The following USP6NL variants were observed in gnomAD, a reference collection of about 807,000 sequenced individuals.
USP6NL encodes USP6 N-terminal-like protein.
A neutral mutation model predicts 61.9 loss-of-function variants in USP6NL; 26 were observed. The observed-to-expected ratio is 0.42, with a 90% CI of 0.31 to 0.58. USP6NL has a LOEUF of 0.58. Among genes scored for constraint, USP6NL ranks in the 20% least tolerant of loss-of-function variants. The probability of loss-of-function intolerance (pLI) is 0.16; values close to 1 mark genes in which losing one functional copy is unlikely to be tolerated. For synonymous variants in USP6NL, 432 were observed against 390.1 expected (o/e 1.11, Z -1.27); for missense variants, 1,114 against 1,034.3 (o/e 1.08, Z -1.06).
intron 7 of USP6NL, among the ~76,000 whole-genome samples, chr10:11,498,510 C>T (rs1334536213): frequency 6.6e-6 from 1 of 151,960 alleles, no homozygotes; most frequent in Admixed American, 6.6e-5. Flanking sequence ...CCTAGCCTCG[C>T]TAAGCTCAGT....
chr10:11,598,007 T>C lies in USP6NL; in HGVS notation c.-83-290A>G, dbSNP rs1838385459. 6.6e-6 allele frequency among the ~76,000 whole-genome samples: 1 copy of C among 152,200 alleles called. No homozygotes were observed. The highest frequency in any genetic ancestry group is 6.5e-5 in the Admixed American group (1 of 15,280). On this transcript the variant is annotated intron_variant, in intron 1 of 14. Transcript: ENST00000609104. The surrounding 1 kb of genome is among the most constrained non-coding windows in gnomAD (Gnocchi z 4.7). ...TCCTTCGTCTTCAACACTAAAAACA[T>C]TTCTTCCCCATTCCCAGCTAAGAAA...
chr10:11,544,697 C>A (rs148657804), intron 2 of USP6NL, among the ~76,000 whole-genome samples: 8 of 152,194 alleles, frequency 5.3e-5, no homozygotes, highest in Admixed American at 5.2e-4. Context: ...CCCCGTTGGG[C>A]AGGCTGGTCT....
intron 2 of USP6NL, among the ~76,000 whole-genome samples, chr10:11,549,063 C>G (rs923435386): frequency 1.3e-5 from 2 of 152,090 alleles, no homozygotes; most frequent in African/African-American, 4.8e-5. Context: ...TCTTCTGGTA[C>G]CTTTTCCATA....
chr10:11,463,571 G>C lies in USP6NL; in HGVS notation c.1357C>G (p.Leu453Val), dbSNP rs1477874141. Residue 453 changes from leucine (L) to valine (V), a missense_variant, in exon 15 of 15, where the codon CTC becomes GTC. Transcript: ENST00000609104. The surrounding 1 kb of genome is among the most constrained non-coding windows in gnomAD (Gnocchi z 6.3). ...LKDEADFQRK[L>V]PSGPQDSSRQ... is the part of the protein sequence containing the mutation. ...GAACTGTCCTGTGGACCCGATGGGA[G>C]TTTTCTTTGAAAATCTGCCTCATCT... The C allele has an allele frequency of 1.2e-6, 2 of 1,613,926 alleles. No individual in the cohort carries two copies. The highest frequency in any genetic ancestry group is 1.7e-5 in the Admixed American group (1 of 60,014).
chr10:11,584,269 G>A (rs966068976), intron 2 of USP6NL, among the ~76,000 whole-genome samples: 36 of 152,148 alleles, frequency 2.4e-4, no homozygotes, highest in South Asian at 6.2e-4. Flanking sequence ...TTAATTCAAC[G>A]TAACATCACA....
rs530760084 is a variant in USP6NL at position 11,589,912 on chromosome 10, G to A, written c.4+7719C>T. Among the ~76,000 whole-genome samples the A allele has an allele frequency of 6.6e-6, 1 of 152,264 alleles. No individual in the cohort carries two copies. The highest frequency in any genetic ancestry group is 2.1e-4 in the South Asian group (1 of 4,824). On this transcript the variant is annotated intron_variant, in intron 2 of 14. Transcript: ENST00000609104. The surrounding 1 kb of genome is among the most constrained non-coding windows in gnomAD (Gnocchi z 4.7). ...ACCAAGGCAATGCCAGGGGAAGTCA[G>A]TTTCTAAATTCAGAGGGAAAAGACA...
chr10:11,496,773 TATAAGGCTATCTGGGCATGTCTAGA>T lies in USP6NL; in HGVS notation c.385-3570_385-3546del, dbSNP rs1376047678. On this transcript the variant is annotated intron_variant, in intron 7 of 14. Coordinates refer to ENST00000609104, the MANE Select transcript of USP6NL (RefSeq NM_014688.5). This position sits in a 1 kb window ranked among gnomAD's most constrained non-coding sequence, Gnocchi z 5.4. ...AAGAAGGTTATCTGGGGATGTCTATTATAAGGCTATCTGGGCATGTCTAGAATAAGGCTATTTGGGCATGTCTAGA... is the reference window on the plus strand; with the variant it reads ...AAGAAGGTTATCTGGGGATGTCTATTATAAGGCTATTTGGGCATGTCTAGA... Among the ~76,000 whole-genome samples, 1 of 152,134 alleles carries T rather than the reference TATAAGGCTATCTGGGCATGTCTAGA, an allele frequency of 6.6e-6. No individual in the cohort carries two copies.
rs762356741 is a variant in USP6NL at position 11,463,391 on chromosome 10, G to C, written c.1537C>G (p.Pro513Ala). 3 of 1,614,028 alleles carry C rather than the reference G, an allele frequency of 1.9e-6. No individual in the cohort carries two copies. The highest frequency in any genetic ancestry group is 1.1e-5 in the South Asian group (1 of 91,088). ...CCTGGGACGGTAACTGCGAGCGCGG[G>C]GTGCGCTGCTCGACCTTTGCCTTCC... ...TMEGKGRAAH[P>A]ALAVTVPGPA... Residue 513 changes from proline to alanine, a missense_variant, in exon 15 of 15, where the codon CCC becomes GCC. Transcript: ENST00000609104. The surrounding 1 kb of genome is among the most constrained non-coding windows in gnomAD (Gnocchi z 6.3).
chr10:11,539,326 T>C (rs985469016), intron 2 of USP6NL, among the ~76,000 whole-genome samples: 1 of 152,174 alleles, frequency 6.6e-6, no homozygotes, highest in African/African-American at 2.4e-5. Context: ...TGATGCCATG[T>C]CCTCCAATCA....
At position 11,591,039 on chromosome 10, in the gene USP6NL, T is replaced by A. The variant is rs1484733892; in HGVS notation, c.4+6592A>T. On this transcript the variant is annotated intron_variant, in intron 2 of 14. Coordinates refer to ENST00000609104, the MANE Select transcript of USP6NL (RefSeq NM_014688.5). This position sits in a 1 kb window ranked among gnomAD's most constrained non-coding sequence, Gnocchi z 4.7. ...AGAGTTAGAAGGCGTCCAGATGATCTATCTAGTGCCTACATTTACGAATGA... is the reference window on the plus strand; with the variant it reads ...AGAGTTAGAAGGCGTCCAGATGATCAATCTAGTGCCTACATTTACGAATGA... Among the ~76,000 whole-genome samples, 4 of 152,182 alleles carry A rather than the reference T, an allele frequency of 2.6e-5. No individual in the cohort carries two copies. The highest frequency in any genetic ancestry group is 4.4e-5 in the Non-Finnish European group (3 of 68,036).
intron 1 of USP6NL, among the ~76,000 whole-genome samples, chr10:11,606,780 A>G (rs1309928716): frequency 6.6e-6 from 1 of 151,838 alleles, no homozygotes; most frequent in Admixed American, 6.6e-5. Flanking sequence ...GTGAAGACAG[A>G]TTTTGAAATT....
At position 11,477,360 on chromosome 10, in the gene USP6NL, C is replaced by T. The variant is rs867986867; in HGVS notation, c.1078+4410G>A. On this transcript the variant is annotated intron_variant, in intron 14 of 14. Transcript: ENST00000609104. The stretch of plus-strand genomic sequence containing the variant: ...GGATTGTTACAGATATAAAAAGAAC[C>T]GTAAGAGATTGCTTTGCAAAACCTT... Among the ~76,000 whole-genome samples the T allele has an allele frequency of 1.6e-4, 24 of 152,112 alleles. No individual in the cohort carries two copies. In the South Asian group the frequency reaches 2.7e-3, roughly 17 times the overall value.
In USP6NL at chr10:11,489,151, G is replaced by A; in HGVS notation, c.615C>T (p.Ala205=). Residue 205 remains alanine (A), a synonymous_variant, in exon 10 of 15, where the codon GCC becomes GCT. Transcript: ENST00000609104. This position sits in a 1 kb window ranked among gnomAD's most constrained non-coding sequence, Gnocchi z 5.7. ...AGAAGAGTTTGACCAGGGCCCAGAA[G>A]GCATCTTCCTCGTTCATATACATGA... is the stretch of plus-strand genomic sequence containing the variant. The part of the protein sequence containing the change: ...LLLMYMNEED[A]FWALVKLFSG... 1.9e-6 allele frequency: 3 copies of A among 1,613,970 alleles called. No homozygotes were observed. The highest frequency in any genetic ancestry group is 2.5e-6 in the Non-Finnish European group (3 of 1,179,870).
intron 2 of USP6NL, among the ~76,000 whole-genome samples, chr10:11,573,104 G>A (rs1837420302): frequency 6.6e-6 from 1 of 151,954 alleles, no homozygotes; most frequent in Non-Finnish European, 1.5e-5. Context: ...ACTAAAAAAG[G>A]CAATAAAATC....
At chr10:11,523,235 G>A (rs1035026166) in intron 4 of USP6NL, among the ~76,000 whole-genome samples, 2 of 152,192 alleles carry the variant, frequency 1.3e-5, no homozygotes, top group African/African-American at 2.4e-5. Context: ...TTTCATGGCT[G>A]TAATAGTTCA....
chr10:11,463,564 G>A lies in USP6NL; in HGVS notation c.1364C>T (p.Ser455Leu). ...DEADFQRKLP[S>L]GPQDSSRQYN... ...TTGCCTGGAACTGTCCTGTGGACCCGATGGGAGTTTTCTTTGAAAATCTGC... is the reference window on the plus strand; with the variant it reads ...TTGCCTGGAACTGTCCTGTGGACCCAATGGGAGTTTTCTTTGAAAATCTGC... Residue 455 changes from serine to leucine, a missense_variant, in exon 15 of 15, where the codon TCG becomes TTG. By Grantham distance (145) the Ser-to-Leu change is moderately radical. Transcript: ENST00000609104. This position sits in a 1 kb window ranked among gnomAD's most constrained non-coding sequence, Gnocchi z 6.3. 2 of 1,614,024 alleles carry A rather than the reference G, an allele frequency of 1.2e-6. No homozygotes were observed. The highest frequency in any genetic ancestry group is 1.7e-6 in the Non-Finnish European group (2 of 1,179,894).
At chr10:11,469,608 A>G (rs563218282) in intron 14 of USP6NL, among the ~76,000 whole-genome samples, 2 of 152,344 alleles carry the variant, frequency 1.3e-5, no homozygotes, top group South Asian at 2.1e-4. Flanking sequence ...GAGATTTTCA[A>G]TAAGGATGCA....
intron 14 of USP6NL, among the ~76,000 whole-genome samples, chr10:11,480,900 G>A (rs576689756): frequency 2.0e-5 from 3 of 152,292 alleles, no homozygotes; most frequent in East Asian, 1.9e-4. Context: ...GAAGAAAAGC[G>A]AAAGTAACTT....
intron 6 of USP6NL, among the ~76,000 whole-genome samples, chr10:11,504,559 C>T (rs960379405): frequency 1.3e-5 from 2 of 152,194 alleles, no homozygotes; most frequent in African/African-American, 4.8e-5. Context: ...CTAAAAATTA[C>T]CGCTTTATTA....
Sources: allele counts gnomAD v4.1 joint callset (sites outside exome capture counted in the v4.1 genomes callset), GRCh38; gene constraint gnomAD v4.1.1; non-coding constraint Gnocchi (gnomAD v3.1); transcripts MANE v1.5; gene names NCBI Gene and HGNC (gene_info 2026-07-23, HGNC 2026-07-21).